The following ADCY3 variants were observed in gnomAD, a reference collection of about 807,000 sequenced individuals.
ADCY3 encodes adenylate cyclase 3.
ADCY3 carries 70 observed loss-of-function variants against 119.4 expected under a neutral mutation model. The observed-to-expected ratio is 0.59, with a 90% confidence interval of 0.48 to 0.72. The LOEUF (loss-of-function observed/expected upper bound fraction) is 0.72, where lower values mean the gene tolerates loss of function less well. Ranked by LOEUF, ADCY3 falls within the 30% of genes least tolerant of loss-of-function variation. ADCY3 has a pLI of 0.00. For synonymous variants in ADCY3, 672 were observed against 621.4 expected (o/e 1.08, Z -1.21); for missense variants, 1,238 against 1,541.6 (o/e 0.80, Z 3.30).
At chr2:24,892,349 C>T (rs1677758301) in intron 2 of ADCY3, among the ~76,000 whole-genome samples, 3 of 151,374 alleles carry the variant, frequency 2.0e-5, no homozygotes, top group African/African-American at 4.9e-5. Context: ...CCTGGGTTCA[C>T]GCCATTCTCC....
chr2:24,891,816 A>G (rs984989677), intron 2 of ADCY3, among the ~76,000 whole-genome samples: 3 of 152,236 alleles, frequency 2.0e-5, no homozygotes, highest in Non-Finnish European at 4.4e-5. Context: ...ACCAACTGTT[A>G]TAACTGTTCT....
In ADCY3 at chr2:24,828,152, G is replaced by C; in HGVS notation, c.2182C>G (p.Leu728Val). 1 of 1,613,682 alleles carries C rather than the reference G, an allele frequency of 6.2e-7. No individual in the cohort carries two copies. The highest frequency in any genetic ancestry group is 8.5e-7 in the Non-Finnish European group (1 of 1,179,912). ...MANVVDMLSC[L>V]QYYTGPSNAT... ...TTGCTGGGTCCCGTGTAGTACTGGA[G>C]ACAGCTGAGCTGGAGGCCAGGACGG... The change falls in exon 14 of 22, where the codon CTC (leucine) becomes GTC (valine). Residue 728 changes from leucine (L) to valine (V), a missense_variant. Leu to Val is a conservative substitution (Grantham distance 32, BLOSUM62 1). This residue lies in a region of ADCY3 where 499 missense variants were observed against 571.0 expected (regional missense o/e 0.87). Coordinates refer to ENST00000679454, the MANE Select transcript of ADCY3 (RefSeq NM_004036.5).
At chr2:24,867,267 T>G (rs1321887842) in intron 3 of ADCY3, among the ~76,000 whole-genome samples, 1 of 152,244 alleles carries the variant, frequency 6.6e-6, no homozygotes, top group Non-Finnish European at 1.5e-5. Flanking sequence ...GAAATGCTTT[T>G]AAAGGGCTAG....
At chr2:24,847,125 G>A (rs540397922) in intron 3 of ADCY3, among the ~76,000 whole-genome samples, 1 of 152,274 alleles carries the variant, frequency 6.6e-6, no homozygotes, top group East Asian at 1.9e-4. Context: ...CACATGTTGT[G>A]GGAGGGACCC....
intron 3 of ADCY3, among the ~76,000 whole-genome samples, chr2:24,857,897 C>T (rs1400614463): frequency 5.3e-5 from 8 of 151,952 alleles, no homozygotes; most frequent in African/African-American, 1.9e-4. Flanking sequence ...AGCACATACT[C>T]GTCTGTTTAA....
At chr2:24,840,512 G>A (rs1408605043) in intron 6 of ADCY3, 1 of 464,258 alleles carries the variant, frequency 2.2e-6, no homozygotes, top group East Asian at 7.0e-5. Flanking sequence ...GGCAATACTA[G>A]ACGGGCTTTA....
chr2:24,904,925 GCCAATGCGAC>G (rs1679302303), intron 2 of ADCY3, among the ~76,000 whole-genome samples: 1 of 152,090 alleles, frequency 6.6e-6, no homozygotes, highest in Non-Finnish European at 1.5e-5. Flanking sequence ...ACAGATGTGA[GCCAATGCGAC>G]TGGTCAGTTT....
intron 2 of ADCY3, among the ~76,000 whole-genome samples, chr2:24,903,553 C>T (rs1014640447): frequency 6.7e-4 from 102 of 152,152 alleles, no homozygotes; most frequent in African/African-American, 2.3e-3. Flanking sequence ...AGAATATCCA[C>T]CTCACAGAGT....
chr2:24,871,982 T>C (rs1399253757), intron 3 of ADCY3, among the ~76,000 whole-genome samples: 1 of 152,190 alleles, frequency 6.6e-6, no homozygotes, highest in Non-Finnish European at 1.5e-5. Flanking sequence ...TGGTTTTCCT[T>C]CTTCAGCAGT....
intron 2 of ADCY3, among the ~76,000 whole-genome samples, chr2:24,902,827 C>T (rs113729212): frequency 0.083 from 12,678 of 152,052 alleles, 1,671 homozygotes; most frequent in African/African-American, 0.28. Flanking sequence ...GGCAGGAGTT[C>T]GAGACCAGCC....
In ADCY3 at chr2:24,821,229, AC is replaced by A. The variant is rs1667651696; in HGVS notation, c.3127+287del. The stretch of plus-strand genomic sequence containing the variant: ...AGCCATGTCCTCAGCAGGCACAGCA[AC>A]CCCTCTGGAAATGGATCACAAACTC... On this transcript the variant is annotated intron_variant, in intron 20 of 21. Coordinates refer to ENST00000679454, the MANE Select transcript of ADCY3 (RefSeq NM_004036.5). The A allele has an allele frequency of 8.8e-6, 4 of 454,200 alleles. No homozygotes were observed. In the South Asian group the frequency reaches 1.2e-4, roughly 14 times the overall value. 28.1% of individuals were successfully genotyped at this position (454,200 alleles called of 1,614,324 possible).
intron 3 of ADCY3, among the ~76,000 whole-genome samples, chr2:24,853,037 T>G (rs900065218): frequency 6.8e-6 from 1 of 146,674 alleles, no homozygotes; most frequent in Non-Finnish European, 1.5e-5. Flanking sequence ...TGTGTGTGTG[T>G]GTGTGTGTGT....
At position 24,842,185 on chromosome 2, in the gene ADCY3, G is replaced by A. The variant is rs538965559; in HGVS notation, c.956+69C>T. ...CCTCTTGAAGCCCACAGCACCTAGC[G>A]GGTCCCACAAAGATGCAGCCCTCCA... On this transcript the variant is annotated intron_variant, in intron 4 of 21. Coordinates refer to ENST00000679454, the MANE Select transcript of ADCY3 (RefSeq NM_004036.5). The surrounding 1 kb of genome is among the most constrained non-coding windows in gnomAD (Gnocchi z 4.9). The A allele has an allele frequency of 1.4e-5, 23 of 1,603,654 alleles. No homozygotes were observed. The highest frequency in any genetic ancestry group is 8.3e-5 in the Admixed American group (5 of 59,896).
intron 3 of ADCY3, among the ~76,000 whole-genome samples, chr2:24,847,532 T>C (rs1447535653): frequency 6.6e-6 from 1 of 152,154 alleles, no homozygotes; most frequent in Non-Finnish European, 1.5e-5. Flanking sequence ...GCCTGGGAAG[T>C]GGCATCCAGT....
At chr2:24,900,358 A>AAT (rs1553363996) in intron 2 of ADCY3, among the ~76,000 whole-genome samples, 61 of 146,982 alleles carry the variant, frequency 4.2e-4, no homozygotes, top group Admixed American at 5.4e-4. Context: ...AAAAAAAAAA[A>AAT]TAAATAAAAA....
At chr2:24,832,132 A>G (rs1014418932) in intron 11 of ADCY3, 46 of 234,854 alleles carry the variant, frequency 2.0e-4, no homozygotes, top group Admixed American at 1.5e-3. Flanking sequence ...GAGCCTGTAC[A>G]GCTCCACGCG....
intron 2 of ADCY3, among the ~76,000 whole-genome samples, chr2:24,911,641 A>ACAC (rs1459604524): frequency 3.4e-4 from 20 of 58,102 alleles, no homozygotes; most frequent in South Asian, 1.1e-3. Context: ...CAGACTCAAA[A>ACAC]AAAAAAAAAA....
intron 2 of ADCY3, among the ~76,000 whole-genome samples, chr2:24,881,552 CTGTG>C (rs779305764): frequency 6.6e-6 from 1 of 152,212 alleles, no homozygotes; most frequent in African/African-American, 2.4e-5. Context: ...CCTGATGCGT[CTGTG>C]TGTATCTCCC....
intron 2 of ADCY3, among the ~76,000 whole-genome samples, chr2:24,877,465 C>T (rs1295870491): frequency 6.6e-6 from 1 of 152,164 alleles, no homozygotes; most frequent in Non-Finnish European, 1.5e-5. Context: ...GAACAAGGCT[C>T]GGTCGCTCCC....
Sources: allele counts gnomAD v4.1 joint callset (sites outside exome capture counted in the v4.1 genomes callset), GRCh38; gene constraint gnomAD v4.1.1; regional missense constraint gnomAD v4.1.1; non-coding constraint Gnocchi (gnomAD v3.1); transcripts MANE v1.5; gene names NCBI Gene and HGNC (gene_info 2026-07-23, HGNC 2026-07-21).